SSBP2: variants seen among roughly 807,000 people sequenced by gnomAD.
The protein encoded by SSBP2 is single-stranded DNA-binding protein 2.
Under a neutral mutation model 61.8 loss-of-function variants are expected in SSBP2, and 17 were observed. That is an observed-to-expected ratio of 0.28 (90% CI 0.19 to 0.41). The LOEUF (loss-of-function observed/expected upper bound fraction) is 0.41. SSBP2 is among the 10% of genes least tolerant of loss of function. The probability of loss-of-function intolerance (pLI) is 1.00; values close to 1 mark genes in which losing one functional copy is unlikely to be tolerated. For synonymous variants in SSBP2, 139 were observed against 141.3 expected (o/e 0.98, Z 0.12); for missense variants, 310 against 458.7 (o/e 0.68, Z 2.96).
chr5:81,677,965 T>C (rs1487494302), intron 1 of SSBP2, among the ~76,000 whole-genome samples: 2 of 152,154 alleles, frequency 1.3e-5, no homozygotes, highest in African/African-American at 4.8e-5. Flanking sequence ...AAGGCCTATT[T>C]ACAGCAATTG....
At chr5:81,437,312 C>A in intron 15 of SSBP2, 118 bp downstream of exon 15, 2 of 898,862 alleles carry the variant, frequency 2.2e-6, no homozygotes, top group Non-Finnish European at 3.5e-6. Context: ...TATACCTGGT[C>A]TTCTACTTTC....
At chr5:81,730,293 C>T (rs1581435849) in intron 1 of SSBP2, among the ~76,000 whole-genome samples, 1 of 152,114 alleles carries the variant, frequency 6.6e-6, no homozygotes, top group Non-Finnish European at 1.5e-5. Flanking sequence ...GGCACGATCT[C>T]GGCTCACTGC....
intron 1 of SSBP2, among the ~76,000 whole-genome samples, chr5:81,656,592 T>C (rs1468912577): frequency 1.3e-5 from 2 of 152,030 alleles, no homozygotes; most frequent in Admixed American, 1.3e-4. Flanking sequence ...CTAATATGTT[T>C]AATATATAAA....
chr5:81,607,479 T>A (rs1426065290), intron 4 of SSBP2, among the ~76,000 whole-genome samples: 1 of 152,172 alleles, frequency 6.6e-6, no homozygotes, highest in Non-Finnish European at 1.5e-5. Flanking sequence ...AGGCTTTAAA[T>A]ATGCTTACCT....
At chr5:81,745,809 T>C (rs559789807) in intron 1 of SSBP2, among the ~76,000 whole-genome samples, 43 of 152,246 alleles carry the variant, frequency 2.8e-4, no homozygotes, top group African/African-American at 1.0e-3. Flanking sequence ...GAATTGTTTT[T>C]TCCCCCAAAT....
intron 1 of SSBP2, among the ~76,000 whole-genome samples, chr5:81,677,735 A>C (rs778781018): frequency 2.6e-5 from 4 of 151,620 alleles, no homozygotes; most frequent in Admixed American, 6.6e-5. Flanking sequence ...GCCACAGCAT[A>C]CTCTGGCTGG....
chr5:81,580,750 T>TAAAAAA (rs10651788), intron 4 of SSBP2, among the ~76,000 whole-genome samples: 2 of 146,010 alleles, frequency 1.4e-5, no homozygotes, highest in Non-Finnish European at 3.0e-5. Flanking sequence ...TCAGTGTAGG[T>TAAAAAA]AAAAAAAAAA....
chr5:81,626,134 C>T (rs1331305268), intron 3 of SSBP2, among the ~76,000 whole-genome samples: 1 of 152,152 alleles, frequency 6.6e-6, no homozygotes, highest in Admixed American at 6.5e-5. Context: ...TTAGAACTTC[C>T]CCATATGTAT....
At chr5:81,555,174 G>C (rs1053532705) in intron 4 of SSBP2, among the ~76,000 whole-genome samples, 4 of 151,890 alleles carry the variant, frequency 2.6e-5, no homozygotes, top group African/African-American at 7.2e-5. Flanking sequence ...ATAAAGTACA[G>C]ACTTTATTTA....
intron 4 of SSBP2, among the ~76,000 whole-genome samples, chr5:81,575,497 T>C (rs1457750262): frequency 6.6e-6 from 1 of 152,074 alleles, no homozygotes; most frequent in Non-Finnish European, 1.5e-5. Flanking sequence ...TGATATAATC[T>C]CTGGGATAAG....
At chr5:81,593,780 C>G (rs1166634021) in intron 4 of SSBP2, among the ~76,000 whole-genome samples, 3 of 152,120 alleles carry the variant, frequency 2.0e-5, no homozygotes, top group Non-Finnish European at 2.9e-5. Context: ...CCTTTACAGA[C>G]AAGCAAATAC....
At chr5:81,470,193 A>T (rs529758983) in intron 8 of SSBP2, among the ~76,000 whole-genome samples, 3 of 152,092 alleles carry the variant, frequency 2.0e-5, no homozygotes, top group Non-Finnish European at 2.9e-5. Flanking sequence ...TAGAGAAGCT[A>T]AAACTAGTTG....
chr5:81,749,585 C>T (rs1295525661), intron 1 of SSBP2, among the ~76,000 whole-genome samples: 1 of 152,036 alleles, frequency 6.6e-6, no homozygotes, highest in Non-Finnish European at 1.5e-5. Flanking sequence ...CTCAGAAAGA[C>T]AGGGTGCGTT....
At chr5:81,708,453 A>G (rs1754547228) in intron 1 of SSBP2, among the ~76,000 whole-genome samples, 1 of 152,094 alleles carries the variant, frequency 6.6e-6, no homozygotes, top group Non-Finnish European at 1.5e-5. Flanking sequence ...GTTAATTGAA[A>G]AGTTGTTCAA....
chr5:81,681,519 CAAAAAAAA>C (rs35721340), intron 1 of SSBP2, among the ~76,000 whole-genome samples: 1 of 107,110 alleles, frequency 9.3e-6, no homozygotes, highest in South Asian at 3.1e-4. Flanking sequence ...GGCTCCACCT[CAAAAAAAA>C]AAAAAAAAAG....
intron 4 of SSBP2, among the ~76,000 whole-genome samples, chr5:81,598,696 C>T (rs1423343959): frequency 6.6e-6 from 1 of 152,126 alleles, no homozygotes. Flanking sequence ...CCCATTTGCC[C>T]TGAAGGAAAA....
chr5:81,660,978 A>C (rs1490301265), intron 1 of SSBP2, among the ~76,000 whole-genome samples: 1 of 149,592 alleles, frequency 6.7e-6, no homozygotes, highest in Admixed American at 6.7e-5. Flanking sequence ...GGACACAGGG[A>C]GGAGAACAAC....
intron 16 of SSBP2, among the ~76,000 whole-genome samples, chr5:81,425,068 T>G (rs1213941825): frequency 6.6e-6 from 1 of 152,246 alleles, no homozygotes; most frequent in Non-Finnish European, 1.5e-5. Flanking sequence ...GATATTATTT[T>G]AAATGTATAC....
chr5:81,653,671 T>C (rs977690667), intron 1 of SSBP2, among the ~76,000 whole-genome samples: 15 of 152,180 alleles, frequency 9.9e-5, no homozygotes, highest in Admixed American at 5.9e-4. Flanking sequence ...CTCATTGTGG[T>C]TTTGATTTGC....
Sources: allele counts gnomAD v4.1 joint callset (sites outside exome capture counted in the v4.1 genomes callset), GRCh38; gene constraint gnomAD v4.1.1; transcripts MANE v1.5; gene names NCBI Gene and HGNC (gene_info 2026-07-23, HGNC 2026-07-21).